Variants in ZNF804A observed in about 807,000 individuals in gnomAD.
ZNF804A encodes the protein zinc finger protein 804A.
In ZNF804A, 2 loss-of-function variants were observed where a neutral mutation model predicts 16.5. The ratio of observed to expected loss-of-function variants is 0.12; its 90% CI spans 0.05 to 0.38. The LOEUF is 0.38. ZNF804A is among the 10% of genes least tolerant of loss of function. The probability of loss-of-function intolerance (pLI) is 0.99; values close to 1 mark genes in which losing one functional copy is unlikely to be tolerated. For synonymous variants in ZNF804A, 534 were observed against 489.6 expected (o/e 1.09, Z -1.20); for missense variants, 1,473 against 1,390.7 (o/e 1.06, Z -0.94).
intron 1 of ZNF804A, among the ~76,000 whole-genome samples, chr2:184,821,077 A>G (rs557948057): frequency 1.3e-4 from 20 of 152,286 alleles, no homozygotes; most frequent in African/African-American, 4.3e-4. Flanking sequence ...TTTAAAATTC[A>G]TATGGAACCA....
intron 1 of ZNF804A, among the ~76,000 whole-genome samples, chr2:184,611,855 T>A (rs1691244515): frequency 6.6e-6 from 1 of 152,212 alleles, no homozygotes; most frequent in Admixed American, 6.5e-5. Context: ...ATTTGCATAC[T>A]TCACCTAGTA....
chr2:184,808,477 A>G (rs955496608), intron 1 of ZNF804A, among the ~76,000 whole-genome samples: 9 of 151,682 alleles, frequency 5.9e-5, no homozygotes, highest in African/African-American at 2.2e-4. Flanking sequence ...TGAATCTCTT[A>G]TATTGAAAGC....
chr2:184,821,697 A>C (rs557017849), intron 1 of ZNF804A, among the ~76,000 whole-genome samples: 1 of 152,296 alleles, frequency 6.6e-6, no homozygotes, highest in East Asian at 1.9e-4. Flanking sequence ...TTCTACAAGG[A>C]ACTTAAACAG....
chr2:184,825,364 CT>C (rs1043634458), intron 1 of ZNF804A, among the ~76,000 whole-genome samples: 1 of 151,920 alleles, frequency 6.6e-6, no homozygotes, highest in African/African-American at 2.4e-5. Context: ...TGTTTTTGCC[CT>C]TTTTTTGCAG....
intron 1 of ZNF804A, among the ~76,000 whole-genome samples, chr2:184,743,899 A>C (rs1474449633): frequency 1.3e-5 from 2 of 151,976 alleles, no homozygotes; most frequent in Non-Finnish European, 2.9e-5. Context: ...GCCTAAGGTG[A>C]AGGGATTTAG....
chr2:184,672,549 A>T lies in ZNF804A; in HGVS notation c.111+73479A>T, dbSNP rs73043246. Among the ~76,000 whole-genome samples, 1,059 of 152,312 alleles carry T rather than the reference A, an allele frequency of 7.0e-3. 11 individuals are homozygous for T. The highest frequency in any genetic ancestry group is 0.024 in the African/African-American group (1,014 of 41,564). On this transcript the variant is annotated intron_variant, in intron 1 of 3. Coordinates refer to ENST00000302277, the MANE Select transcript of ZNF804A (RefSeq NM_194250.2). ...TTGTTTTGTGATGAAATTATAAAAT[A>T]TGTTAGCATTCATAAAAATCTCTGG...
At chr2:184,773,015 T>C (rs1325457369) in intron 1 of ZNF804A, among the ~76,000 whole-genome samples, 1 of 147,816 alleles carries the variant, frequency 6.8e-6, no homozygotes, top group Non-Finnish European at 1.5e-5. Flanking sequence ...TATATATATA[T>C]ACACACACAA....
intron 1 of ZNF804A, among the ~76,000 whole-genome samples, chr2:184,622,204 G>A (rs1377951437): frequency 6.6e-6 from 1 of 151,682 alleles, no homozygotes; most frequent in African/African-American, 2.4e-5. Flanking sequence ...CTGTAGATCA[G>A]GAAATAAGTA....
chr2:184,625,028 G>A (rs958544238), intron 1 of ZNF804A, among the ~76,000 whole-genome samples: 4 of 152,062 alleles, frequency 2.6e-5, no homozygotes, highest in African/African-American at 9.7e-5. Flanking sequence ...AGGATACTTT[G>A]ATTATACCTA....
At chr2:184,815,417 G>A (rs1694968326) in intron 1 of ZNF804A, among the ~76,000 whole-genome samples, 1 of 151,632 alleles carries the variant, frequency 6.6e-6, no homozygotes, top group Non-Finnish European at 1.5e-5. Context: ...TGAGGGTATT[G>A]TGCTATGTTC....
intron 1 of ZNF804A, among the ~76,000 whole-genome samples, chr2:184,864,362 G>T (rs754060450): frequency 6.6e-6 from 1 of 152,086 alleles, no homozygotes; most frequent in Non-Finnish European, 1.5e-5. Context: ...ATTGATGAAG[G>T]ATCTGCCCTT....
At chr2:184,647,796 C>A (rs187107752) in intron 1 of ZNF804A, among the ~76,000 whole-genome samples, 65 of 152,214 alleles carry the variant, frequency 4.3e-4, no homozygotes, top group African/African-American at 1.5e-3. Flanking sequence ...AAAAGGTAAA[C>A]CACCTGGAAT....
chr2:184,774,837 C>T (rs1694263420), intron 1 of ZNF804A, among the ~76,000 whole-genome samples: 1 of 151,512 alleles, frequency 6.6e-6, no homozygotes, highest in African/African-American at 2.4e-5. Context: ...ACACATGTGA[C>T]ATGTGCCTTC....
intron 2 of ZNF804A, among the ~76,000 whole-genome samples, chr2:184,931,941 A>G (rs1335193334): frequency 6.6e-6 from 1 of 152,194 alleles, no homozygotes; most frequent in Non-Finnish European, 1.5e-5. Flanking sequence ...AAAAAGTTTC[A>G]CAAATCTCTA....
chr2:184,816,616 G>A (rs992251966), intron 1 of ZNF804A, among the ~76,000 whole-genome samples: 1 of 151,768 alleles, frequency 6.6e-6, no homozygotes, highest in Non-Finnish European at 1.5e-5. Context: ...CATAAACATG[G>A]TCAAAACTGT....
At chr2:184,616,544 C>A (rs181853818) in intron 1 of ZNF804A, among the ~76,000 whole-genome samples, 3 of 152,058 alleles carry the variant, frequency 2.0e-5, no homozygotes, top group African/African-American at 7.2e-5. Flanking sequence ...TATCGTTCTT[C>A]CCTTCCAAAG....
chr2:184,746,318 C>A (rs190426752), intron 1 of ZNF804A, among the ~76,000 whole-genome samples: 1 of 151,438 alleles, frequency 6.6e-6, no homozygotes, highest in African/African-American at 2.4e-5. Context: ...ATTAACTAAT[C>A]TGCCTTTATC....
At chr2:184,830,106 CCACCCACA>C (rs1695238904) in intron 1 of ZNF804A, among the ~76,000 whole-genome samples, 1 of 118,062 alleles carries the variant, frequency 8.5e-6, no homozygotes, top group African/African-American at 3.9e-5. Context: ...AACAACACAC[CCACCCACA>C]CACACACACA....
At chr2:184,789,119 T>A (rs1445223898) in intron 1 of ZNF804A, among the ~76,000 whole-genome samples, 1 of 152,138 alleles carries the variant, frequency 6.6e-6, no homozygotes, top group Non-Finnish European at 1.5e-5. Context: ...TACTTAGTTC[T>A]GTTAATTAGG....
Sources: gnomAD v4.1 joint callset for allele counts (sites outside exome capture counted in the v4.1 genomes callset) on GRCh38, gnomAD v4.1.1 for gene constraint, MANE v1.5 for transcripts, NCBI Gene and HGNC (gene_info 2026-07-23, HGNC 2026-07-21) for gene names.